The following PTPRN2 variants were observed in gnomAD, a reference collection of about 807,000 sequenced individuals.
PTPRN2 encodes the protein receptor-type tyrosine-protein phosphatase N2.
Under a neutral mutation model 118.8 loss-of-function variants are expected in PTPRN2, and 74 were observed. The observed-to-expected ratio is 0.62, with a 90% confidence interval of 0.52 to 0.76. The LOEUF is 0.76. Among genes scored for constraint, PTPRN2 ranks in the 30% least tolerant of loss-of-function variants. PTPRN2 has a pLI of 0.00. For synonymous variants in PTPRN2, 641 were observed against 608.0 expected, an observed-to-expected ratio of 1.05 and a Z score of -0.80; for missense variants, 1,481 against 1,394.4, an observed-to-expected ratio of 1.06 and a Z score of -0.99.
In PTPRN2 at chr7:157,929,853, C is replaced by T. The variant is rs1799257391; in HGVS notation, c.1724-31116G>A. Among the ~76,000 whole-genome samples, 1 of 152,140 alleles carries T rather than the reference C, an allele frequency of 6.6e-6. No homozygotes were observed. The highest frequency in any genetic ancestry group is 2.4e-5 in the African/African-American group (1 of 41,422). On this transcript the variant is annotated intron_variant, in intron 11 of 22. Coordinates refer to ENST00000389418, the MANE Select transcript of PTPRN2 (RefSeq NM_002847.5). This position sits in a 1 kb window ranked among gnomAD's most constrained non-coding sequence, Gnocchi z 4.4. The stretch of plus-strand genomic sequence containing the variant: ...TCCCGGGACACCAGGCACTGGAGGT[C>T]GGCACGCTTATTGTAATGAATCTGA...
chr7:158,312,912 G>C (rs1801977240), intron 3 of PTPRN2, among the ~76,000 whole-genome samples: 1 of 151,638 alleles, frequency 6.6e-6, no homozygotes, highest in South Asian at 2.1e-4. Flanking sequence ...GCATGTGTGG[G>C]GATGTCTACA....
Position 157,580,080 on chromosome 7 carries a change from G to A in PTPRN2, c.2497-1940C>T, listed in dbSNP as rs190208902. On this transcript the variant is annotated intron_variant, in intron 17 of 22. Coordinates refer to ENST00000389418, the MANE Select transcript of PTPRN2 (RefSeq NM_002847.5). ...GTCGAGTAAGGTTCAATTTCTAATC[G>A]GGGAGAAGTTTCACTATTTTCTTTC... Among the ~76,000 whole-genome samples, 423 of 152,262 alleles carry A rather than the reference G, an allele frequency of 2.8e-3. 1 individual carries two copies. Among genetic ancestry groups the A allele is most frequent in the Non-Finnish European group, 4.5e-3 (306 of 68,016 alleles).
At position 158,526,748 on chromosome 7, in the gene PTPRN2, A is replaced by AACC. The variant is rs1824810291; in HGVS notation, c.113-36966_113-36964dup. On this transcript the variant is annotated intron_variant, in intron 1 of 22. Coordinates refer to ENST00000389418, the MANE Select transcript of PTPRN2 (RefSeq NM_002847.5). This position sits in a 1 kb window ranked among gnomAD's most constrained non-coding sequence, Gnocchi z 5.2. ...AGGACACAGACACGCACAGATGGAC[A>AACC]ACCCTGTGGGGCACAGGGAGGAGAC... Among the ~76,000 whole-genome samples the AACC allele has an allele frequency of 6.6e-6, 1 of 152,072 alleles. No homozygotes were observed. Among genetic ancestry groups the AACC allele is most frequent in the African/African-American group, 2.4e-5 (1 of 41,416 alleles).
Position 158,032,659 on chromosome 7 carries a change from C to T in PTPRN2, c.1723+48639G>A, listed in dbSNP as rs544181263. Among the ~76,000 whole-genome samples, 24 of 152,102 alleles carry T rather than the reference C, an allele frequency of 1.6e-4. No individual in the cohort carries two copies. In the South Asian group the frequency reaches 2.5e-3, roughly 16 times the overall value. ...TGCAGTGAGCAGTGAATTCATACAA[C>T]GCTAAATGCAGAGATTCTAAAATGG... On this transcript the variant is annotated intron_variant, in intron 11 of 22. Coordinates refer to ENST00000389418, the MANE Select transcript of PTPRN2 (RefSeq NM_002847.5).
Position 157,615,517 on chromosome 7 carries a change from G to C in PTPRN2, c.2344+5845C>G. On this transcript the variant is annotated intron_variant, in intron 15 of 22. Coordinates refer to ENST00000389418, the MANE Select transcript of PTPRN2 (RefSeq NM_002847.5). The surrounding 1 kb of genome is among the most constrained non-coding windows in gnomAD (Gnocchi z 4.3). ...ATGCTCGGGACCTGGGGACGGCTGGGGTGACCCCATCGCAAGGCCGGGCCG... is the reference window on the plus strand; with the variant it reads ...ATGCTCGGGACCTGGGGACGGCTGGCGTGACCCCATCGCAAGGCCGGGCCG... The C allele has an allele frequency of 2.1e-6, 1 of 471,234 alleles. No homozygotes were observed. The highest frequency in any genetic ancestry group is 4.4e-6 in the Non-Finnish European group (1 of 227,070). 29.2% of individuals were successfully genotyped at this position (471,234 alleles called of 1,614,324 possible). A position where few individuals can be genotyped will look rare whatever the true frequency, so the allele number is the denominator to read the frequency against.
chr7:158,381,919 A>G (rs1326188373), intron 2 of PTPRN2, among the ~76,000 whole-genome samples: 1 of 152,156 alleles, frequency 6.6e-6, no homozygotes, highest in Non-Finnish European at 1.5e-5. Flanking sequence ...ATTCACTACC[A>G]TGAGAACAGC....
chr7:157,721,962 C>T (rs894240785), intron 12 of PTPRN2, among the ~76,000 whole-genome samples: 1 of 152,214 alleles, frequency 6.6e-6, no homozygotes, highest in Non-Finnish European at 1.5e-5. Context: ...CAGACTTTTC[C>T]CGAAGACCAC....
At chr7:157,759,099 G>T (rs1216121579) in intron 12 of PTPRN2, among the ~76,000 whole-genome samples, 1 of 152,246 alleles carries the variant, frequency 6.6e-6, no homozygotes, top group Non-Finnish European at 1.5e-5. Context: ...GAAAAATCAT[G>T]TCCTGTGAAG....
At chr7:158,309,479 C>G (rs1484656041) in intron 3 of PTPRN2, among the ~76,000 whole-genome samples, 1 of 152,164 alleles carries the variant, frequency 6.6e-6, no homozygotes, top group Non-Finnish European at 1.5e-5. Context: ...GATCGTGAGT[C>G]AATACTCCTT....
At chr7:157,711,917 G>A (rs1448148945) in intron 12 of PTPRN2, among the ~76,000 whole-genome samples, 2 of 116,286 alleles carry the variant, frequency 1.7e-5, no homozygotes, top group South Asian at 5.1e-4. Flanking sequence ...TGTCTGGGGG[G>A]CCATGCAGGC....
At chr7:157,853,201 G>A (rs1194047111) in intron 12 of PTPRN2, among the ~76,000 whole-genome samples, 1 of 152,184 alleles carries the variant, frequency 6.6e-6, no homozygotes, top group African/African-American at 2.4e-5. Context: ...TGCATTCCGA[G>A]GAGTCATGTA....
rs1030381500 is a variant in PTPRN2 at position 158,229,567 on chromosome 7, C to G, written c.278-24294G>C. On this transcript the variant is annotated intron_variant, in intron 3 of 22. Coordinates refer to ENST00000389418, the MANE Select transcript of PTPRN2 (RefSeq NM_002847.5). ...AATTTTTAAAAATTCAAACAGAAAT[C>G]TTGGAACTGAGAAATACATTTGCTG... 5.3e-5 allele frequency among the ~76,000 whole-genome samples: 8 copies of G among 151,776 alleles called. No individual in the cohort carries two copies. In the South Asian group the frequency reaches 1.3e-3, roughly 24 times the overall value.
chr7:158,149,234 G>T (rs1820631599), intron 6 of PTPRN2, among the ~76,000 whole-genome samples: 1 of 151,628 alleles, frequency 6.6e-6, no homozygotes, highest in African/African-American at 2.4e-5. Context: ...CTCCAAGCTG[G>T]CACCAATTAT....
intron 12 of PTPRN2, among the ~76,000 whole-genome samples, chr7:157,846,508 G>C (rs1034501878): frequency 8.6e-5 from 13 of 151,634 alleles, no homozygotes; most frequent in African/African-American, 2.9e-4. Context: ...CCACAATTTT[G>C]GGGCCGGAAC....
rs568768903 is a variant in PTPRN2, at chr7:157,587,924, G to A, written c.2496+7314C>T. On this transcript the variant is annotated intron_variant, in intron 17 of 22. Coordinates refer to ENST00000389418, the MANE Select transcript of PTPRN2 (RefSeq NM_002847.5). The surrounding 1 kb of genome is among the most constrained non-coding windows in gnomAD (Gnocchi z 5.3). ...GCTGTCCCCGTGCCTGGGCTCCCGCGGTGGCTGTCCCCGTGCCTGGGCTCC... is the reference window on the plus strand; with the variant it reads ...GCTGTCCCCGTGCCTGGGCTCCCGCAGTGGCTGTCCCCGTGCCTGGGCTCC... 1.8e-3 allele frequency among the ~76,000 whole-genome samples: 277 copies of A among 151,454 alleles called. 1 individual carries two copies. Among genetic ancestry groups the A allele is most frequent in the African/African-American group, 6.4e-3 (262 of 41,210 alleles).
chr7:157,649,834 A>G (rs1805507960), intron 14 of PTPRN2, among the ~76,000 whole-genome samples: 1 of 149,380 alleles, frequency 6.7e-6, no homozygotes, highest in Non-Finnish European at 1.5e-5. Flanking sequence ...GGACCCATTC[A>G]CTGTGCACTG....
chr7:157,713,880 A>T (rs1798774326), intron 12 of PTPRN2, among the ~76,000 whole-genome samples: 1 of 152,166 alleles, frequency 6.6e-6, no homozygotes, highest in African/African-American at 2.4e-5. Flanking sequence ...CATGGCACAC[A>T]CCTGCTGCTC....
chr7:158,192,817 T>C (rs1825887292), intron 4 of PTPRN2, among the ~76,000 whole-genome samples: 1 of 152,156 alleles, frequency 6.6e-6, no homozygotes. Context: ...AGGTGTTGGC[T>C]GCAGGCTCAG....
At chr7:158,170,205 C>T (rs1823413506) in intron 5 of PTPRN2, among the ~76,000 whole-genome samples, 1 of 152,152 alleles carries the variant, frequency 6.6e-6, no homozygotes, top group Non-Finnish European at 1.5e-5. Flanking sequence ...TAGCAATTTC[C>T]CACAAATTGG....
Sources: allele counts gnomAD v4.1 joint callset (sites outside exome capture counted in the v4.1 genomes callset), GRCh38; gene constraint gnomAD v4.1.1; non-coding constraint Gnocchi (gnomAD v3.1); transcripts MANE v1.5; gene names NCBI Gene and HGNC (gene_info 2026-07-23, HGNC 2026-07-21).